The following ZSWIM3 variants were observed in gnomAD, a reference collection of about 807,000 sequenced individuals.
ZSWIM3 encodes the protein zinc finger SWIM domain-containing protein 3.
A neutral mutation model predicts 47.5 loss-of-function variants in ZSWIM3; 27 were observed. That is an observed-to-expected ratio of 0.57 (90% confidence interval 0.42 to 0.78). The LOEUF is 0.78. ZSWIM3 is among the 30% of genes least tolerant of loss of function. The probability of loss-of-function intolerance (pLI) is 0.00; values close to 1 mark genes in which losing one functional copy is unlikely to be tolerated. For synonymous variants in ZSWIM3, 333 were observed against 333.9 expected (o/e 1.00, Z 0.03); for missense variants, 689 against 861.3 (o/e 0.80, Z 2.50).
At chr20:45,870,047 A>G (rs1335954171) in intron 1 of ZSWIM3, among the ~76,000 whole-genome samples, 1 of 112,832 alleles carries the variant, frequency 8.9e-6, no homozygotes, top group Non-Finnish European at 1.8e-5. Flanking sequence ...CCGTCTCAAG[A>G]AAAAAAAAAA....
At chr20:45,876,465 A>T (rs1418485752) in intron 1 of ZSWIM3, among the ~76,000 whole-genome samples, 2 of 152,008 alleles carry the variant, frequency 1.3e-5, no homozygotes, top group Non-Finnish European at 2.9e-5. Context: ...CTGCCTCCTG[A>T]ATAGCTGGGA....
intron 1 of ZSWIM3, among the ~76,000 whole-genome samples, chr20:45,870,073 A>G (rs13045440): frequency 0.58 from 81,414 of 140,332 alleles, 24,328 homozygotes; most frequent in Admixed American, 0.67. Context: ...AGAAAAGGCC[A>G]AGCGTGGTGG....
intron 1 of ZSWIM3, among the ~76,000 whole-genome samples, chr20:45,875,633 CTGGGAT>C (rs1340607718): frequency 6.7e-6 from 1 of 150,208 alleles, no homozygotes; most frequent in African/African-American, 2.5e-5. Context: ...TCCCGAGTAG[CTGGGAT>C]TACAGGTGCC....
chr20:45,875,694 G>A (rs1044092221), intron 1 of ZSWIM3, among the ~76,000 whole-genome samples: 39 of 149,214 alleles, frequency 2.6e-4, no homozygotes, highest in African/African-American at 9.2e-4. Context: ...ACAGAGACAG[G>A]GTTTCACTAT....
chr20:45,860,962 A>G (rs1406804662), intron 1 of ZSWIM3, among the ~76,000 whole-genome samples: 3 of 152,208 alleles, frequency 2.0e-5, no homozygotes, highest in East Asian at 1.9e-4. Context: ...ACGTGCTTCT[A>G]TTAGAAAACA....
chr20:45,878,701 G>A lies in ZSWIM3; in HGVS notation c.*52G>A, dbSNP rs767113723. The stretch of plus-strand genomic sequence containing the variant: ...CAAACACTTCTCCTTGGAAGTGTGA[G>A]AGTTTAAAGTGGGCAGGACATACTA... On this transcript the variant is annotated 3_prime_UTR_variant, in exon 2 of 2. Transcript: ENST00000255152. 1.2e-5 allele frequency: 19 copies of A among 1,553,300 alleles called. No homozygotes were observed. Among genetic ancestry groups the A allele is most frequent in the Non-Finnish European group, 1.6e-5 (18 of 1,149,026 alleles).
At chr20:45,862,151 T>G (rs929257993) in intron 1 of ZSWIM3, among the ~76,000 whole-genome samples, 9 of 123,084 alleles carry the variant, frequency 7.3e-5, no homozygotes, top group Non-Finnish European at 1.5e-4. Flanking sequence ...TTTTTTTTGG[T>G]TTTTTTTTTT....
At position 45,859,438 on chromosome 20, in the gene ZSWIM3, A is replaced by G. The variant is rs4812966; in HGVS notation, c.155+1458A>G. Among the ~76,000 whole-genome samples the G allele has an allele frequency of 1.4e-3, 212 of 146,642 alleles. 1 individual carries two copies. Among genetic ancestry groups the G allele is most frequent in the Non-Finnish European group, 1.7e-3 (112 of 67,208 alleles). On this transcript the variant is annotated intron_variant, in intron 1 of 1. Coordinates refer to ENST00000255152, the MANE Select transcript of ZSWIM3 (RefSeq NM_080752.4). ...AAGGAATGTGGAAAAAAAAAAAAAA[A>G]AAGAAATGTACGGAGAAAGAAATGA...
chr20:45,874,816 G>A (rs770952870), intron 1 of ZSWIM3, among the ~76,000 whole-genome samples: 26 of 152,134 alleles, frequency 1.7e-4, no homozygotes, highest in Non-Finnish European at 3.4e-4. Flanking sequence ...AACCAAGAGA[G>A]AATGGAGTTG....
Position 45,878,279 on chromosome 20 carries a change from C to G in ZSWIM3, c.1721C>G (p.Pro574Arg). 4 of 1,614,220 alleles carry G rather than the reference C, an allele frequency of 2.5e-6. No individual in the cohort carries two copies. The highest frequency in any genetic ancestry group is 3.4e-6 in the Non-Finnish European group (4 of 1,180,034). The change falls in exon 2 of 2, where the codon CCG becomes CGG. Residue 574 changes from proline to arginine, a missense_variant. Pro to Arg is a moderately radical substitution (Grantham distance 103). Transcript: ENST00000255152. Reference protein sequence around the residue: ...ILALLHTSQQPVGEAMVCRRW... With the variant: ...ILALLHTSQQRVGEAMVCRRW... ...GCTCTGCTGCACACCAGCCAGCAGCCGGTTGGTGAAGCCATGGTGTGCCGC... is the reference window on the plus strand; with the variant it reads ...GCTCTGCTGCACACCAGCCAGCAGCGGGTTGGTGAAGCCATGGTGTGCCGC...
At chr20:45,870,582 T>C (rs889663707) in intron 1 of ZSWIM3, among the ~76,000 whole-genome samples, 4 of 152,160 alleles carry the variant, frequency 2.6e-5, no homozygotes, top group Non-Finnish European at 5.9e-5. Flanking sequence ...TCACTTTAAG[T>C]GGTACTGATT....
rs1985556163 is a variant in ZSWIM3 at position 45,857,620 on chromosome 20, T to C, written c.-206T>C. On this transcript the variant is annotated 5_prime_UTR_variant, in exon 1 of 2. Transcript: ENST00000255152. ...ACTGAGTGTCATTTCCCCTGTCAGA[T>C]AGCAAATACACCCCCTTCCTCTTGT... The C allele has an allele frequency of 1.5e-6, 1 of 681,178 alleles. No individual in the cohort carries two copies. The highest frequency in any genetic ancestry group is 1.8e-5 in the African/African-American group (1 of 55,922). 42.2% of individuals were successfully genotyped at this position (681,178 alleles called of 1,614,324 possible).
chr20:45,876,079 G>A (rs966205901), intron 1 of ZSWIM3, among the ~76,000 whole-genome samples: 9 of 151,472 alleles, frequency 5.9e-5, no homozygotes, highest in Non-Finnish European at 1.0e-4. Context: ...GTTTGCTCTC[G>A]TTGCCCAGGC....
At chr20:45,864,392 T>C (rs2090292077) in intron 1 of ZSWIM3, among the ~76,000 whole-genome samples, 1 of 152,118 alleles carries the variant, frequency 6.6e-6, no homozygotes, top group African/African-American at 2.4e-5. Flanking sequence ...GATACGTGGG[T>C]GTCTTGGGGG....
intron 1 of ZSWIM3, among the ~76,000 whole-genome samples, chr20:45,875,612 C>T (rs1374726206): frequency 1.3e-5 from 2 of 152,232 alleles, no homozygotes; most frequent in South Asian, 2.1e-4. Context: ...AGGGATTCTC[C>T]TGCCTCAGCC....
chr20:45,864,468 C>A (rs181651321), intron 1 of ZSWIM3, among the ~76,000 whole-genome samples: 14 of 152,212 alleles, frequency 9.2e-5, no homozygotes, highest in African/African-American at 3.4e-4. Flanking sequence ...CAGCCAAATA[C>A]ACATATTACT....
intron 1 of ZSWIM3, among the ~76,000 whole-genome samples, chr20:45,862,150 G>GTTT (rs554675361): frequency 7.0e-6 from 1 of 142,096 alleles, no homozygotes; most frequent in Non-Finnish European, 1.6e-5. Flanking sequence ...GTTTTTTTTG[G>GTTT]TTTTTTTTTT....
At chr20:45,858,031 C>G (rs765000353) in intron 1 of ZSWIM3, 51 bp downstream of exon 1, 19 of 1,574,504 alleles carry the variant, frequency 1.2e-5, no homozygotes, top group Non-Finnish European at 1.6e-5. Context: ...GGAGGCTGGA[C>G]CTCCGGAGGG....
chr20:45,865,995 AAAAAAAAAAAAAAGAAAAAG>A (rs1218272671), intron 1 of ZSWIM3, among the ~76,000 whole-genome samples: 2 of 149,878 alleles, frequency 1.3e-5, no homozygotes, highest in Non-Finnish European at 3.0e-5. Flanking sequence ...TCTGTCTCAA[AAAAAAAAAAAAAAGAAAAAG>A]AAAAAAAAAA....
Sources: allele counts gnomAD v4.1 joint callset (sites outside exome capture counted in the v4.1 genomes callset), GRCh38; gene constraint gnomAD v4.1.1; transcripts MANE v1.5; gene names NCBI Gene and HGNC (gene_info 2026-07-23, HGNC 2026-07-21).